Variants in RPS6KA4 observed in about 807,000 individuals in gnomAD.
RPS6KA4 encodes the protein ribosomal protein S6 kinase alpha-4.
A neutral mutation model predicts 89.6 loss-of-function variants in RPS6KA4; 38 were observed. The observed-to-expected ratio is 0.42, with a 90% CI of 0.33 to 0.56. RPS6KA4 has a LOEUF of 0.56. Among genes scored for constraint, RPS6KA4 ranks in the 20% least tolerant of loss-of-function variants. The pLI is 0.07. For missense variants in RPS6KA4, 873 were observed against 1,098.8 expected (o/e 0.79, Z 2.90); for synonymous variants, 495 against 492.8 (o/e 1.00, Z -0.06).
intron 12 of RPS6KA4, among the ~76,000 whole-genome samples, chr11:64,369,111 C>T (rs2036977567): frequency 3.3e-5 from 5 of 151,898 alleles, no homozygotes; most frequent in Admixed American, 2.0e-4. Context: ...GGGAACATGG[C>T]GAAACCCCGT....
intron 8 of RPS6KA4, among the ~76,000 whole-genome samples, 197 bp from the exon 9 acceptor site, chr11:64,365,104 T>C (rs1427749108): frequency 6.6e-6 from 1 of 152,028 alleles, no homozygotes. Context: ...TGTGGTGTCA[T>C]GGTGGTTCTC....
chr11:64,371,491 TG>T lies in RPS6KA4; in HGVS notation c.*12del, dbSNP rs763012479. On this transcript the variant is annotated 3_prime_UTR_variant, in exon 17 of 17. Coordinates refer to ENST00000334205, the MANE Select transcript of RPS6KA4 (RefSeq NM_003942.3). ...CTGCCCCCCTCCTAATCCCCACCAC[TG>T]TGACCCCCTTCCCTCATAGGGGCTG... 5.2e-5 allele frequency: 48 copies of T among 930,852 alleles called. 1 individual carries two copies. The South Asian group carries it at 7.0e-4, about 14-fold the overall frequency. The allele number at this position is 930,852 out of a possible 1,614,324, so 57.7% of individuals were successfully genotyped here. A position where few individuals can be genotyped will look rare whatever the true frequency, so the allele number is the denominator to read the frequency against.
At chr11:64,360,951 G>A in intron 4 of RPS6KA4, 183 bp from the exon 5 acceptor site, 1 of 576,512 alleles carries the variant, frequency 1.7e-6, no homozygotes, top group Non-Finnish European at 3.1e-6. Context: ...GATCCACGGG[G>A]CCCTCCTTCT....
rs564687 is a variant in RPS6KA4, at chr11:64,360,409, T to G, written c.346+28T>G. 0.99 allele frequency: 1,554,306 copies of G among 1,562,690 alleles called. 773,349 individuals carry two copies. Among genetic ancestry groups the G allele is most frequent in the East Asian group, 1 (41,722 of 41,722 alleles). On this transcript the variant is annotated intron_variant, in intron 3 of 16. Coordinates refer to ENST00000334205, the MANE Select transcript of RPS6KA4 (RefSeq NM_003942.3). Reference sequence around the variant, plus strand: ...GAGCGCACACCACATCCCAACGGGGTTGGGGTGGCTGGGGGCAGGCGAGGC... The same window carrying G: ...GAGCGCACACCACATCCCAACGGGGGTGGGGTGGCTGGGGGCAGGCGAGGC...
At chr11:64,359,923 CT>C in intron 2 of RPS6KA4, 1 of 581,436 alleles carries the variant, frequency 1.7e-6, no homozygotes, top group Admixed American at 3.3e-5. Flanking sequence ...AGCAGGCCCC[CT>C]GGAGATGCAT....
intron 8 of RPS6KA4, among the ~76,000 whole-genome samples, chr11:64,364,046 TC>T (rs1289700156): frequency 6.6e-6 from 1 of 152,228 alleles, no homozygotes; most frequent in Non-Finnish European, 1.5e-5. Context: ...TACTTATTTT[TC>T]TTTTCACATA....
chr11:64,370,500 G>T lies in RPS6KA4; in HGVS notation c.1958-63G>T. ...TAGGGGAGGAGAGTGGGGCTGTTACGATCTCTTTGGGGCTCAGCCTTTACG... is the reference window on the plus strand; with the variant it reads ...TAGGGGAGGAGAGTGGGGCTGTTACTATCTCTTTGGGGCTCAGCCTTTACG... On this transcript the variant is annotated intron_variant, in intron 15 of 16. Coordinates refer to ENST00000334205, the MANE Select transcript of RPS6KA4 (RefSeq NM_003942.3). This position sits in a 1 kb window ranked among gnomAD's most constrained non-coding sequence, Gnocchi z 4.1. 1 of 1,595,774 alleles carries T rather than the reference G, an allele frequency of 6.3e-7. No individual in the cohort carries two copies.
Position 64,368,729 on chromosome 11 carries a change from G to A in RPS6KA4, c.1360G>A (p.Val454Met). 6.3e-7 allele frequency: 1 copy of A among 1,576,714 alleles called. No homozygotes were observed. Among genetic ancestry groups the A allele is most frequent in the Non-Finnish European group, 8.6e-7 (1 of 1,161,636 alleles). Residue 454 changes from valine to methionine, a missense_variant, in exon 12 of 17, where the codon GTG (valine) becomes ATG (methionine). By Grantham distance (21) the Val-to-Met change is conservative. Around this residue, in one of 4 missense-constraint regions of RPS6KA4, gnomAD observed 542 missense variants for 736.4 expected, o/e 0.74. Transcript: ENST00000334205. ...RRLEANTQRE[V>M]AALRLCQSHP... Reference sequence around the variant, plus strand: ...GCTGGAGGCGAACACGCAGCGCGAAGTGGCTGCCCTGCGCCTGTGCCAGTC... The same window carrying A: ...GCTGGAGGCGAACACGCAGCGCGAAATGGCTGCCCTGCGCCTGTGCCAGTC...
chr11:64,368,817 G>C lies in RPS6KA4; in HGVS notation c.1428+20G>C, dbSNP rs936529630. 1.9e-6 allele frequency: 3 copies of C among 1,551,140 alleles called. No individual in the cohort carries two copies. Among genetic ancestry groups the C allele is most frequent in the African/African-American group, 2.7e-5 (2 of 73,288 alleles). ...GACCAGGTGATGGCTTCCGGCCAGG[G>C]GAGGGCGGAGAGAAAAGGGGCAGGC... On this transcript the variant is annotated intron_variant, in intron 12 of 16. Coordinates refer to ENST00000334205, the MANE Select transcript of RPS6KA4 (RefSeq NM_003942.3).
intron 8 of RPS6KA4, 131 bp downstream of exon 8, chr11:64,362,133 C>G (rs1306466551): frequency 8.9e-7 from 1 of 1,122,878 alleles, no homozygotes; most frequent in African/African-American, 1.6e-5. Flanking sequence ...AAGTGTGTGT[C>G]AGCTAGGTTT....
chr11:64,362,624 C>A (rs2036784557), intron 8 of RPS6KA4, among the ~76,000 whole-genome samples: 1 of 152,226 alleles, frequency 6.6e-6, no homozygotes, highest in South Asian at 2.1e-4. Flanking sequence ...TCAATACCTA[C>A]TGTGTGTCGG....
intron 9 of RPS6KA4, 37 bp from the exon 10 acceptor site, chr11:64,368,095 C>G: frequency 2.5e-6 from 4 of 1,608,268 alleles, no homozygotes; most frequent in Non-Finnish European, 3.4e-6. Flanking sequence ...CCCCAACCCC[C>G]ATGCCCATGC....
At chr11:64,360,659 ACGC>A (rs2036720716) in intron 4 of RPS6KA4, 67 bp downstream of exon 4, 3 of 1,379,696 alleles carry the variant, frequency 2.2e-6, no homozygotes, top group Middle Eastern at 3.7e-4. Flanking sequence ...AGGAATCTGC[ACGC>A]AGGGCAGCCT....
chr11:64,370,496 T>A lies in RPS6KA4; in HGVS notation c.1958-67T>A. The A allele has an allele frequency of 6.3e-7, 1 of 1,597,310 alleles. No homozygotes were observed. Among genetic ancestry groups the A allele is most frequent in the South Asian group, 1.1e-5 (1 of 90,250 alleles). On this transcript the variant is annotated intron_variant, in intron 15 of 16. Transcript: ENST00000334205. The surrounding 1 kb of genome is among the most constrained non-coding windows in gnomAD (Gnocchi z 4.1). Reference sequence around the variant, plus strand: ...TGGGTAGGGGAGGAGAGTGGGGCTGTTACGATCTCTTTGGGGCTCAGCCTT... The same window carrying A: ...TGGGTAGGGGAGGAGAGTGGGGCTGATACGATCTCTTTGGGGCTCAGCCTT...
Position 64,361,088 on chromosome 11 carries a change from G to C in RPS6KA4, c.463-46G>C, listed in dbSNP as rs757132982. 5 of 1,542,792 alleles carry C rather than the reference G, an allele frequency of 3.2e-6. No homozygotes were observed. Among genetic ancestry groups the C allele is most frequent in the South Asian group, 2.3e-5 (2 of 87,786 alleles). On this transcript the variant is annotated intron_variant, in intron 4 of 16. Coordinates refer to ENST00000334205, the MANE Select transcript of RPS6KA4 (RefSeq NM_003942.3). This position sits in a 1 kb window ranked among gnomAD's most constrained non-coding sequence, Gnocchi z 4.7. ...AGGGCCAGGAGCTGGAGGAGCTGGG[G>C]AGGGTTTCGGGGAGGAAGCCTCAGC... is the stretch of plus-strand genomic sequence containing the variant.
At chr11:64,364,897 G>A (rs888844193) in intron 8 of RPS6KA4, among the ~76,000 whole-genome samples, 2 of 146,772 alleles carry the variant, frequency 1.4e-5, no homozygotes, top group Non-Finnish European at 3.0e-5. Flanking sequence ...GCACCACCAC[G>A]CCCAGCTAAT....
In RPS6KA4 at chr11:64,370,832, G is replaced by T. The variant is rs571054710; in HGVS notation, c.2121+106G>T. On this transcript the variant is annotated intron_variant, in intron 16 of 16. Transcript: ENST00000334205. The surrounding 1 kb of genome is among the most constrained non-coding windows in gnomAD (Gnocchi z 4.1). ...ACAGAAAGGCGAGGTGAGGCCGGGC[G>T]CGGTGGCTCACGCCTGTAATCCCAG... 1.6e-5 allele frequency: 22 copies of T among 1,367,682 alleles called. No homozygotes were observed. Among genetic ancestry groups the T allele is most frequent in the African/African-American group, 1.5e-4 (10 of 68,382 alleles). The allele number at this position is 1,367,682 out of a possible 1,614,324, so 84.7% of individuals were successfully genotyped here.
At chr11:64,367,730 G>T (rs775620938) in intron 9 of RPS6KA4, among the ~76,000 whole-genome samples, 3 of 152,250 alleles carry the variant, frequency 2.0e-5, no homozygotes, top group Non-Finnish European at 4.4e-5. Flanking sequence ...TCCCCTTGCA[G>T]AAGAAGCCAA....
At chr11:64,359,749 C>A in intron 2 of RPS6KA4, 1 of 542,716 alleles carries the variant, frequency 1.8e-6, no homozygotes, top group South Asian at 2.3e-5. Flanking sequence ...TCCCTTTCTT[C>A]CAATATGGGA....
Sources: allele counts gnomAD v4.1 joint callset (sites outside exome capture counted in the v4.1 genomes callset), GRCh38; gene constraint gnomAD v4.1.1; regional missense constraint gnomAD v4.1.1; non-coding constraint Gnocchi (gnomAD v3.1); transcripts MANE v1.5; gene names NCBI Gene and HGNC (gene_info 2026-07-23, HGNC 2026-07-21).